Variants in ZCCHC7 observed in about 807,000 individuals in gnomAD.
ZCCHC7 encodes the protein zinc finger CCHC-type containing 7.
In ZCCHC7, 35 loss-of-function variants were observed where a neutral mutation model predicts 52.0. That is an observed-to-expected ratio of 0.67 (90% CI 0.51 to 0.89). The LOEUF (loss-of-function observed/expected upper bound fraction) is 0.89. Among genes scored for constraint, ZCCHC7 ranks in the 40% least tolerant of loss-of-function variants. The pLI, the probability that ZCCHC7 is intolerant of heterozygous loss-of-function variation, is 0.00. For synonymous variants in ZCCHC7, 217 were observed against 221.5 expected (o/e 0.98, Z 0.18); for missense variants, 574 against 649.1 (o/e 0.88, Z 1.26).
intron 2 of ZCCHC7, among the ~76,000 whole-genome samples, chr9:37,181,890 G>A (rs533103131): frequency 1.8e-4 from 27 of 151,956 alleles, no homozygotes; most frequent in East Asian, 1.7e-3. Context: ...TTGCTGTGTC[G>A]CCCAGGCTGG....
At chr9:37,124,238 G>A (rs1842445405) in intron 1 of ZCCHC7, among the ~76,000 whole-genome samples, 1 of 151,824 alleles carries the variant, frequency 6.6e-6, no homozygotes, top group Non-Finnish European at 1.5e-5. Flanking sequence ...TTTTTTCAGG[G>A]CTCTCATTTT....
At chr9:37,318,269 C>G (rs1401806460) in intron 5 of ZCCHC7, among the ~76,000 whole-genome samples, 3 of 151,890 alleles carry the variant, frequency 2.0e-5, no homozygotes, top group Non-Finnish European at 2.9e-5. Context: ...CGAGATCAGC[C>G]TGGACAACAT....
chr9:37,267,400 G>C (rs567210511), intron 2 of ZCCHC7, among the ~76,000 whole-genome samples: 25 of 151,652 alleles, frequency 1.6e-4, no homozygotes, highest in Non-Finnish European at 3.1e-4. Context: ...TTTGGTGGTG[G>C]GGGGGAGACA....
At chr9:37,212,065 A>G (rs1364315241) in intron 2 of ZCCHC7, among the ~76,000 whole-genome samples, 3 of 129,508 alleles carry the variant, frequency 2.3e-5, no homozygotes, top group South Asian at 4.9e-4. Flanking sequence ...AAAAAAAAAA[A>G]GAAAATCTTT....
intron 5 of ZCCHC7, among the ~76,000 whole-genome samples, chr9:37,314,578 AAAGATTCACCAAATCTTACAGAAT>A (rs1343162862): frequency 1.3e-5 from 2 of 152,080 alleles, no homozygotes; most frequent in African/African-American, 2.4e-5. Flanking sequence ...TCTAAGGCTA[AAAGATTCACCAAATCTTACAGAAT>A]AAGGTCAGTG....
chr9:37,285,912 C>T (rs1363134255), intron 2 of ZCCHC7, among the ~76,000 whole-genome samples: 1 of 152,136 alleles, frequency 6.6e-6, no homozygotes, highest in African/African-American at 2.4e-5. Flanking sequence ...AAGTTAACCA[C>T]AAGTAGAAAC....
At chr9:37,238,389 T>C (rs1236175111) in intron 2 of ZCCHC7, among the ~76,000 whole-genome samples, 2 of 152,188 alleles carry the variant, frequency 1.3e-5, no homozygotes, top group Non-Finnish European at 2.9e-5. Context: ...TGCTATGATA[T>C]GTAATAGTTT....
intron 2 of ZCCHC7, among the ~76,000 whole-genome samples, chr9:37,291,934 C>T (rs1828558583): frequency 6.6e-6 from 1 of 152,226 alleles, no homozygotes; most frequent in Admixed American, 6.5e-5. Context: ...CTCAGGTGAT[C>T]CGCCTGCCTT....
chr9:37,154,941 T>C (rs1820730026), intron 2 of ZCCHC7, among the ~76,000 whole-genome samples: 2 of 152,216 alleles, frequency 1.3e-5, no homozygotes, highest in Non-Finnish European at 2.9e-5. Context: ...TTTTAGAAAA[T>C]CAGTGCAATA....
chr9:37,154,606 C>G (rs78218640), intron 2 of ZCCHC7, among the ~76,000 whole-genome samples: 7,691 of 152,154 alleles, frequency 0.051, 635 homozygotes, highest in African/African-American at 0.17. Context: ...CCTTATCCCC[C>G]AAGAGGCTGG....
intron 2 of ZCCHC7, among the ~76,000 whole-genome samples, chr9:37,293,213 C>T (rs1828619886): frequency 6.6e-6 from 1 of 151,862 alleles, no homozygotes; most frequent in Non-Finnish European, 1.5e-5. Context: ...GATCTAAGGT[C>T]TGGAGGAAGA....
intron 2 of ZCCHC7, among the ~76,000 whole-genome samples, chr9:37,132,396 A>T (rs1205947233): frequency 1.3e-5 from 2 of 152,214 alleles, no homozygotes; most frequent in East Asian, 3.8e-4. Context: ...AAAATGTTAT[A>T]ATTGACTTCA....
chr9:37,206,963 C>CA (rs566151095), intron 2 of ZCCHC7, among the ~76,000 whole-genome samples: 361 of 132,066 alleles, frequency 2.7e-3, no homozygotes, highest in African/African-American at 5.0e-3. Context: ...GTAGTCTCTC[C>CA]AAAAAAAAAA....
At chr9:37,337,114 T>A (rs2118394382) in intron 6 of ZCCHC7, among the ~76,000 whole-genome samples, 1 of 152,290 alleles carries the variant, frequency 6.6e-6, no homozygotes, top group African/African-American at 2.4e-5. Context: ...GCGGATCTAT[T>A]TCTTTATTTC....
rs1053036509 is a variant in ZCCHC7 at position 37,236,558 on chromosome 9, A to AT, written c.611-65621dup. ...AGGCGCCCGCCACCACGCCCGGCTAATTTTTTTTTGTATTTTTAGCAGAGA... is the reference window on the plus strand; with the variant it reads ...AGGCGCCCGCCACCACGCCCGGCTAATTTTTTTTTTGTATTTTTAGCAGAGA... On this transcript the variant is annotated intron_variant, in intron 2 of 8. Coordinates refer to ENST00000336755, the MANE Select transcript of ZCCHC7 (RefSeq NM_032226.3). Among the ~76,000 whole-genome samples, 322 of 150,862 alleles carry AT rather than the reference A, an allele frequency of 2.1e-3. 2 individuals are homozygous for AT. Among genetic ancestry groups the AT allele is most frequent in the African/African-American group, 7.4e-3 (303 of 41,184 alleles).
rs140441359 is a variant in ZCCHC7 at position 37,342,099 on chromosome 9, A to T, written c.988-7258A>T. On this transcript the variant is annotated intron_variant, in intron 6 of 8. Transcript: ENST00000336755. ...AGGGATAGAAGCGGAGAGACCAGTT[A>T]TGATGTTCTTGTAATCATCCAAACG... 2.6e-5 allele frequency among the ~76,000 whole-genome samples: 4 copies of T among 152,292 alleles called. No homozygotes were observed. The East Asian group carries it at 7.7e-4, about 29-fold the overall frequency.
In ZCCHC7 at chr9:37,344,433, G is replaced by A. The variant is rs145711531; in HGVS notation, c.988-4924G>A. ...ATCTGGTCCCTCCCTGTCCTCTAGA[G>A]CCTCCTCTTTCACTCTTCCTTCACC... On this transcript the variant is annotated intron_variant, in intron 6 of 8. Coordinates refer to ENST00000336755, the MANE Select transcript of ZCCHC7 (RefSeq NM_032226.3). 9.6e-3 allele frequency among the ~76,000 whole-genome samples: 1,460 copies of A among 152,198 alleles called. 27 individuals carry two copies. Among genetic ancestry groups the A allele is most frequent in the African/African-American group, 0.033 (1,382 of 41,512 alleles).
chr9:37,164,907 A>C (rs1264833903), intron 2 of ZCCHC7, among the ~76,000 whole-genome samples: 1 of 152,160 alleles, frequency 6.6e-6, no homozygotes, highest in Non-Finnish European at 1.5e-5. Context: ...TTTCTTCCAG[A>C]AAGTGTGGTG....
At chr9:37,339,428 A>G (rs1442201879) in intron 6 of ZCCHC7, among the ~76,000 whole-genome samples, 4 of 152,186 alleles carry the variant, frequency 2.6e-5, no homozygotes, top group Admixed American at 6.6e-5. Context: ...ACACAGCATC[A>G]TCTTTGTTGT....
Sources: gnomAD v4.1 joint callset for allele counts (sites outside exome capture counted in the v4.1 genomes callset) on GRCh38, gnomAD v4.1.1 for gene constraint, MANE v1.5 for transcripts, NCBI Gene and HGNC (gene_info 2026-07-23, HGNC 2026-07-21) for gene names.